WWOX: variants seen among roughly 807,000 people sequenced by gnomAD.
The protein encoded by WWOX is WW domain containing oxidoreductase.
A neutral mutation model predicts 46.2 loss-of-function variants in WWOX; 69 were observed. The ratio of observed to expected loss-of-function variants is 1.49; its 90% confidence interval spans 1.23 to 1.82. WWOX has a LOEUF of 1.82. Among genes scored for constraint, WWOX ranks in the 40% most tolerant of loss-of-function variants. WWOX has a pLI of 0.00. For missense variants in WWOX, 919 were observed against 542.6 expected, an observed-to-expected ratio of 1.69 and a Z score of -6.89; for synonymous variants, 359 against 202.6, an observed-to-expected ratio of 1.77 and a Z score of -6.56.
intron 8 of WWOX, among the ~76,000 whole-genome samples, chr16:78,683,549 T>A (rs1273829767): frequency 9.4e-5 from 8 of 85,506 alleles, no homozygotes; most frequent in Admixed American, 2.9e-4. Flanking sequence ...CAAAAAAAAA[T>A]AATAAAAATA....
At position 78,716,001 on chromosome 16, in the gene WWOX, A is replaced by T. The variant is rs530214494; in HGVS notation, c.1056+283249A>T. On this transcript the variant is annotated intron_variant, in intron 8 of 8. Transcript: ENST00000566780. ...ATTACAGAGGTTTGAGCAAGAAATT[A>T]TGGTGGTCCCAGGGATGATGCATTC... 3.4e-4 allele frequency among the ~76,000 whole-genome samples: 51 copies of T among 152,136 alleles called. 1 individual carries two copies. In the South Asian group the frequency reaches 1.0e-2, roughly 30 times the overall value.
At chr16:78,232,247 G>A (rs2037293723) in intron 5 of WWOX, among the ~76,000 whole-genome samples, 1 of 152,128 alleles carries the variant, frequency 6.6e-6, no homozygotes, top group Non-Finnish European at 1.5e-5. Context: ...TAGTATTAGG[G>A]CAATTGCGGT....
chr16:79,144,195 C>T (rs188121051), intron 8 of WWOX, among the ~76,000 whole-genome samples: 30 of 152,336 alleles, frequency 2.0e-4, no homozygotes, highest in African/African-American at 6.0e-4. Context: ...CCACTGCACA[C>T]AGCCAAGGTC....
chr16:79,042,274 CTT>C (rs1322917186), intron 8 of WWOX, among the ~76,000 whole-genome samples: 1 of 152,184 alleles, frequency 6.6e-6, no homozygotes, highest in Non-Finnish European at 1.5e-5. Context: ...TCCTCACTGT[CTT>C]TTGCATTATG....
intron 8 of WWOX, among the ~76,000 whole-genome samples, chr16:78,768,991 A>T (rs751697257): frequency 1.3e-5 from 2 of 152,124 alleles, no homozygotes; most frequent in African/African-American, 2.4e-5. Context: ...GTGTGGTTCA[A>T]AGATGCTTTC....
intron 8 of WWOX, among the ~76,000 whole-genome samples, chr16:78,439,348 C>T (rs182074744): frequency 1.7e-4 from 26 of 152,296 alleles, no homozygotes; most frequent in African/African-American, 4.3e-4. Flanking sequence ...CACACTGGCG[C>T]TTTCCTGCAG....
intron 8 of WWOX, among the ~76,000 whole-genome samples, chr16:78,790,949 A>G (rs564350825): frequency 9.7e-5 from 13 of 133,746 alleles, no homozygotes; most frequent in Admixed American, 2.6e-4. Flanking sequence ...AGCCCAGGAG[A>G]TGGAGGTTGC....
intron 8 of WWOX, among the ~76,000 whole-genome samples, chr16:78,777,109 T>TGATTATTTTTTCAG (rs2050210139): frequency 6.6e-6 from 1 of 152,198 alleles, no homozygotes; most frequent in Non-Finnish European, 1.5e-5. Flanking sequence ...AAAGTTTCAG[T>TGATTATTTTTTCAG]GATTATTTTT....
chr16:79,189,645 G>T (rs952562722), intron 8 of WWOX, among the ~76,000 whole-genome samples: 2 of 152,046 alleles, frequency 1.3e-5, no homozygotes, highest in African/African-American at 4.8e-5. Flanking sequence ...AGTAATTTCT[G>T]TTCTAATCTA....
intron 8 of WWOX, among the ~76,000 whole-genome samples, chr16:78,626,243 G>A (rs2046308901): frequency 2.0e-5 from 3 of 151,930 alleles, no homozygotes; most frequent in Admixed American, 2.0e-4. Flanking sequence ...TGATTCTCCT[G>A]CCTCAGCCTC....
At chr16:78,692,086 C>T (rs953855362) in intron 8 of WWOX, among the ~76,000 whole-genome samples, 1 of 152,156 alleles carries the variant, frequency 6.6e-6, no homozygotes, top group Non-Finnish European at 1.5e-5. Context: ...ACTGTAAGTC[C>T]AGTTAAACCT....
intron 8 of WWOX, among the ~76,000 whole-genome samples, chr16:78,703,648 GT>G (rs999559789): frequency 2.0e-5 from 3 of 151,482 alleles, no homozygotes; most frequent in Admixed American, 6.6e-5. Flanking sequence ...TGTTTGTTTG[GT>G]TTTTTTTGGA....
intron 5 of WWOX, among the ~76,000 whole-genome samples, chr16:78,373,515 T>C (rs2151923349): frequency 6.6e-6 from 1 of 152,338 alleles, no homozygotes; most frequent in South Asian, 2.1e-4. Context: ...CAGTGTGGGT[T>C]AGGAAATGTG....
At chr16:78,166,765 G>T (rs1187936103) in intron 5 of WWOX, 1 of 151,842 alleles carries the variant, frequency 6.6e-6, no homozygotes, top group Non-Finnish European at 1.5e-5. Flanking sequence ...CACCATGTTG[G>T]CCGGGATAGT....
At chr16:78,963,941 A>C (rs181741436) in intron 8 of WWOX, among the ~76,000 whole-genome samples, 222 of 152,308 alleles carry the variant, frequency 1.5e-3, no homozygotes, top group African/African-American at 4.8e-3. Flanking sequence ...CATAAGATCC[A>C]ATGAATTTAT....
intron 8 of WWOX, among the ~76,000 whole-genome samples, chr16:78,953,026 ATT>A (rs34067772): frequency 6.8e-6 from 1 of 147,670 alleles, no homozygotes; most frequent in Non-Finnish European, 1.5e-5. Flanking sequence ...GCTTCCCTGG[ATT>A]TTTTTTTTTT....
chr16:78,523,111 G>A (rs528261434), intron 8 of WWOX, among the ~76,000 whole-genome samples: 4 of 152,188 alleles, frequency 2.6e-5, no homozygotes, highest in East Asian at 1.9e-4. Flanking sequence ...ACCTAACACT[G>A]GTACGAGAAG....
intron 8 of WWOX, among the ~76,000 whole-genome samples, chr16:78,807,018 A>G (rs942841915): frequency 2.6e-5 from 4 of 152,274 alleles, no homozygotes; most frequent in Middle Eastern, 3.4e-3. Context: ...ACTAATGCTG[A>G]CCCCACATTT....
intron 4 of WWOX, among the ~76,000 whole-genome samples, chr16:78,151,798 C>G (rs1189388714): frequency 2.0e-5 from 3 of 152,210 alleles, no homozygotes; most frequent in African/African-American, 7.2e-5. Flanking sequence ...CTGCCCCCAA[C>G]CGGTAACTCT....
Sources: allele counts gnomAD v4.1 joint callset (sites outside exome capture counted in the v4.1 genomes callset), GRCh38; gene constraint gnomAD v4.1.1; transcripts MANE v1.5; gene names NCBI Gene and HGNC (gene_info 2026-07-23, HGNC 2026-07-21).